CDCA7L: variants seen among roughly 807,000 people sequenced by gnomAD.
CDCA7L encodes the protein cell division cycle associated 7 like, also known as cell division cycle-associated 7-like protein.
A neutral mutation model predicts 57.4 loss-of-function variants in CDCA7L; 44 were observed. That is an observed-to-expected ratio of 0.77 (90% CI 0.60 to 0.98). The LOEUF (loss-of-function observed/expected upper bound fraction) is 0.98, where lower values mean the gene tolerates loss of function less well. Ranked by LOEUF, CDCA7L falls within the 50% of genes least tolerant of loss-of-function variation. The pLI is 0.00. For synonymous variants in CDCA7L, 236 were observed against 202.8 expected, an observed-to-expected ratio of 1.16 and a Z score of -1.39; for missense variants, 644 against 580.6, an observed-to-expected ratio of 1.11 and a Z score of -1.12.
At position 21,902,170 on chromosome 7, in the gene CDCA7L, C is replaced by T; in HGVS notation, c.*152G>A. The stretch of plus-strand genomic sequence containing the variant: ...TGTCTTCCTGAGAAATCTTTGTAAG[C>T]ATATAAACAATCTTTAACAAAAAAT... On this transcript the variant is annotated 3_prime_UTR_variant, in exon 10 of 10. Coordinates refer to ENST00000406877, the MANE Select transcript of CDCA7L (RefSeq NM_018719.5). 1 of 744,044 alleles carries T rather than the reference C, an allele frequency of 1.3e-6. No homozygotes were observed. Among genetic ancestry groups the T allele is most frequent in the Non-Finnish European group, 2.3e-6 (1 of 429,994 alleles). The allele number at this position is 744,044 out of a possible 1,614,324, so 46.1% of individuals were successfully genotyped here.
chr7:21,933,216 G>C (rs1050676338), intron 1 of CDCA7L, among the ~76,000 whole-genome samples: 1 of 152,196 alleles, frequency 6.6e-6, no homozygotes, highest in African/African-American at 2.4e-5. Context: ...GTGTAAATTA[G>C]TTCAACCATT....
intron 1 of CDCA7L, among the ~76,000 whole-genome samples, chr7:21,918,978 C>CT (rs973940977): frequency 1.6e-4 from 24 of 151,414 alleles, no homozygotes; most frequent in Non-Finnish European, 2.9e-4. Context: ...ATTGACAATT[C>CT]TTTTTTTTTA....
At position 21,902,206 on chromosome 7, in the gene CDCA7L, A is replaced by T; in HGVS notation, c.*116T>A. 1 of 990,574 alleles carries T rather than the reference A, an allele frequency of 1.0e-6. No individual in the cohort carries two copies. The highest frequency in any genetic ancestry group is 1.6e-6 in the Non-Finnish European group (1 of 628,378). 61.4% of individuals were successfully genotyped at this position (990,574 alleles called of 1,614,324 possible). A position where few individuals can be genotyped will look rare whatever the true frequency, so the allele number is the denominator to read the frequency against. On this transcript the variant is annotated 3_prime_UTR_variant, in exon 10 of 10. Transcript: ENST00000406877. ...TCTTTAACAAAAAATAGTAATTTCT[A>T]CAAAGAATTTCTGTATAAAAACACA... is the stretch of plus-strand genomic sequence containing the variant.
intron 1 of CDCA7L, among the ~76,000 whole-genome samples, chr7:21,920,766 T>A (rs1330834095): frequency 6.6e-6 from 1 of 152,208 alleles, no homozygotes; most frequent in East Asian, 1.9e-4. Flanking sequence ...TGTTTAGCAC[T>A]CAGAACTAAT....
chr7:21,901,174 A>G lies in CDCA7L; in HGVS notation c.*1148T>C. 1.2e-6 allele frequency: 2 copies of G among 1,610,612 alleles called. No individual in the cohort carries two copies. The highest frequency in any genetic ancestry group is 2.2e-5 in the South Asian group (2 of 90,926). ...AACCAAACTGAGAGGCCCCAGCTAC[A>G]TCTGGACCTTCAGGCTGAAGAGCGA... On this transcript the variant is annotated 3_prime_UTR_variant, in exon 10 of 10. Transcript: ENST00000406877.
rs373659483 is a variant in CDCA7L at position 21,935,986 on chromosome 7, C to T, written c.24+9795G>A. Among the ~76,000 whole-genome samples, 189 of 151,802 alleles carry T rather than the reference C, an allele frequency of 1.2e-3. 1 individual carries two copies. The highest frequency in any genetic ancestry group is 4.0e-3 in the African/African-American group (167 of 41,338). On this transcript the variant is annotated intron_variant, in intron 1 of 9. Transcript: ENST00000406877. ...CTGTGCCACTACACTCCAGCCTGGG[C>T]GACAGAGCAAGACTCCGTCTCAAAA...
At chr7:21,917,404 A>G (rs754595452) in intron 1 of CDCA7L, among the ~76,000 whole-genome samples, 1 of 152,260 alleles carries the variant, frequency 6.6e-6, no homozygotes, top group Admixed American at 6.5e-5. Context: ...TTGTAAGTCA[A>G]CTTAAGTAGC....
At position 21,944,861 on chromosome 7, in the gene CDCA7L, C is replaced by G. The variant is rs1786467251; in HGVS notation, c.24+920G>C. On this transcript the variant is annotated intron_variant, in intron 1 of 9. Transcript: ENST00000406877. ...TGGAAGCAGTGAGTCTCGCGACTCTCAATAAAACAAGTGGAAAAAAAAAAA... is the reference window on the plus strand; with the variant it reads ...TGGAAGCAGTGAGTCTCGCGACTCTGAATAAAACAAGTGGAAAAAAAAAAA... The G allele has an allele frequency of 2.2e-5, 3 of 138,478 alleles. No individual in the cohort carries two copies. In the Admixed American group the frequency reaches 2.2e-4, roughly 10 times the overall value. The allele number at this position is 138,478 out of a possible 1,614,324, so 8.6% of individuals were successfully genotyped here.
chr7:21,902,286 T>C lies in CDCA7L; in HGVS notation c.*36A>G. The stretch of plus-strand genomic sequence containing the variant: ...TGGTATGCATGTCTTGTTGGAGTAC[T>C]CTATGGTGAGGTGGCTGGTTCTGTT... On this transcript the variant is annotated 3_prime_UTR_variant, in exon 10 of 10. Coordinates refer to ENST00000406877, the MANE Select transcript of CDCA7L (RefSeq NM_018719.5). 1 of 1,606,732 alleles carries C rather than the reference T, an allele frequency of 6.2e-7. No individual in the cohort carries two copies. The highest frequency in any genetic ancestry group is 8.5e-7 in the Non-Finnish European group (1 of 1,173,326).
At chr7:21,903,521 G>C (rs905894773) in intron 8 of CDCA7L, among the ~76,000 whole-genome samples, 6 of 151,252 alleles carry the variant, frequency 4.0e-5, no homozygotes, top group African/African-American at 9.8e-5. Context: ...CAGTTTGTTT[G>C]TCTGTCAGTT....
At chr7:21,908,644 C>A in intron 3 of CDCA7L, 137 bp from the exon 4 acceptor site, 1 of 953,122 alleles carries the variant, frequency 1.0e-6, no homozygotes, top group Non-Finnish European at 1.5e-6. Context: ...TATGAGTTCC[C>A]TCTGAATTTC....
rs1784914152 is a variant in CDCA7L, at chr7:21,902,151, C to T, written c.*171G>A. On this transcript the variant is annotated 3_prime_UTR_variant, in exon 10 of 10. Transcript: ENST00000406877. ...ATAGATTCCTCTGCTCTGCTGTCTT[C>T]CTGAGAAATCTTTGTAAGCATATAA... The T allele has an allele frequency of 1.5e-6, 1 of 674,376 alleles. No homozygotes were observed. Among genetic ancestry groups the T allele is most frequent in the South Asian group, 1.8e-5 (1 of 54,426 alleles). 41.8% of individuals were successfully genotyped at this position (674,376 alleles called of 1,614,324 possible).
At chr7:21,934,835 AT>A (rs1786116396) in intron 1 of CDCA7L, among the ~76,000 whole-genome samples, 1 of 152,216 alleles carries the variant, frequency 6.6e-6, no homozygotes, top group Non-Finnish European at 1.5e-5. Context: ...TTACAGATTG[AT>A]AAAAGAGCCA....
At chr7:21,906,792 T>A (rs748645278) in intron 4 of CDCA7L, among the ~76,000 whole-genome samples, 153 bp from the exon 5 acceptor site, 1 of 152,176 alleles carries the variant, frequency 6.6e-6, no homozygotes. Flanking sequence ...TAACCTCACA[T>A]GTAAAGATTG....
intron 8 of CDCA7L, chr7:21,903,757 A>T: frequency 5.1e-6 from 1 of 195,488 alleles, no homozygotes; most frequent in Admixed American, 5.5e-5. Flanking sequence ...CTATACTGCA[A>T]TCTCCACCTC....
chr7:21,902,470 C>T, intron 9 of CDCA7L, 118 bp from the exon 10 acceptor site: 3 of 963,946 alleles, frequency 3.1e-6, no homozygotes, highest in Non-Finnish European at 5.0e-6. Context: ...TCTCCTGACA[C>T]TCGAAATCCT....
At chr7:21,929,091 G>C (rs1029102444) in intron 1 of CDCA7L, among the ~76,000 whole-genome samples, 1 of 152,172 alleles carries the variant, frequency 6.6e-6, no homozygotes, top group African/African-American at 2.4e-5. Context: ...AAGCCCATCA[G>C]ACTAACAGCG....
chr7:21,901,607 G>A lies in CDCA7L; in HGVS notation c.*715C>T, dbSNP rs1286421440. ...TACATCATAAAAGTACATCATATGT[G>A]AACATGCAAAAGCAATGCAGCCGGA... is the stretch of plus-strand genomic sequence containing the variant. On this transcript the variant is annotated 3_prime_UTR_variant, in exon 10 of 10. Transcript: ENST00000406877. The A allele has an allele frequency of 2.4e-5, 4 of 166,234 alleles. No homozygotes were observed. Among genetic ancestry groups the A allele is most frequent in the African/African-American group, 9.5e-5 (4 of 41,886 alleles). 10.3% of individuals were successfully genotyped at this position (166,234 alleles called of 1,614,324 possible).
At chr7:21,945,469 G>C (rs1046239261) in intron 1 of CDCA7L, among the ~76,000 whole-genome samples, 1 of 152,132 alleles carries the variant, frequency 6.6e-6, no homozygotes, top group African/African-American at 2.4e-5. Flanking sequence ...CACGAGGGCT[G>C]CAAACGCAGG....
Sources: allele counts gnomAD v4.1 joint callset (sites outside exome capture counted in the v4.1 genomes callset), GRCh38; gene constraint gnomAD v4.1.1; transcripts MANE v1.5; gene names NCBI Gene and HGNC (gene_info 2026-07-23, HGNC 2026-07-21).